Variants in RBM20 observed in about 807,000 individuals in gnomAD.
RBM20 encodes the protein RNA-binding protein 20.
In RBM20, 51 loss-of-function variants were observed where a neutral mutation model predicts 110.1. The observed-to-expected ratio is 0.46, with a 90% CI of 0.37 to 0.59. RBM20 has a LOEUF of 0.59. Among genes scored for constraint, RBM20 ranks in the 20% least tolerant of loss-of-function variants. RBM20 has a pLI of 0.00. For synonymous variants in RBM20, 589 were observed against 618.2 expected (o/e 0.95, Z 0.70); for missense variants, 1,512 against 1,574.9 (o/e 0.96, Z 0.68).
intron 1 of RBM20, among the ~76,000 whole-genome samples, chr10:110,672,945 T>C (rs942519257): frequency 6.6e-6 from 1 of 152,372 alleles, no homozygotes; most frequent in Admixed American, 6.5e-5. Flanking sequence ...AGCTCAACTT[T>C]GAACTTTGCA....
At chr10:110,716,798 T>A (rs1469650548) in intron 1 of RBM20, among the ~76,000 whole-genome samples, 4 of 151,432 alleles carry the variant, frequency 2.6e-5, no homozygotes, top group African/African-American at 9.7e-5. Context: ...GCGCCTGTAG[T>A]CCCAGCTACT....
At chr10:110,758,576 C>T (rs552076188) in intron 1 of RBM20, among the ~76,000 whole-genome samples, 9 of 152,174 alleles carry the variant, frequency 5.9e-5, no homozygotes, top group East Asian at 1.9e-4. Flanking sequence ...AGCACTGGGA[C>T]GTGAGTTTGA....
chr10:110,823,424 T>C lies in RBM20; in HGVS notation c.3317-56T>C, dbSNP rs372320964. Reference sequence around the variant, plus strand: ...ATTTCAGGGACTCTTTGAGGCATGTTGTATTTCTTTTTTTTTTTTTTTTTT... The same window carrying C: ...ATTTCAGGGACTCTTTGAGGCATGTCGTATTTCTTTTTTTTTTTTTTTTTT... On this transcript the variant is annotated intron_variant, in intron 11 of 13. Transcript: ENST00000369519. The C allele has an allele frequency of 1.6e-5, 23 of 1,464,914 alleles. 1 individual carries two copies. The Middle Eastern group carries it at 7.1e-4, about 45-fold the overall frequency. 90.7% of individuals were successfully genotyped at this position (1,464,914 alleles called of 1,614,324 possible).
intron 1 of RBM20, among the ~76,000 whole-genome samples, chr10:110,764,924 A>G (rs1408073555): frequency 6.6e-6 from 1 of 152,062 alleles, no homozygotes; most frequent in Non-Finnish European, 1.5e-5. Context: ...CAGCACCTCT[A>G]AACATGTTCT....
chr10:110,685,811 G>A (rs1342138131), intron 1 of RBM20, among the ~76,000 whole-genome samples: 1 of 152,086 alleles, frequency 6.6e-6, no homozygotes, highest in Non-Finnish European at 1.5e-5. Context: ...TTTTTTTTCG[G>A]TATGCTTTGT....
intron 1 of RBM20, among the ~76,000 whole-genome samples, chr10:110,708,795 C>T (rs1369580479): frequency 6.6e-6 from 1 of 152,116 alleles, no homozygotes; most frequent in Non-Finnish European, 1.5e-5. Context: ...GGTGTTGGGG[C>T]ATTGAGGATC....
intron 1 of RBM20, among the ~76,000 whole-genome samples, chr10:110,731,407 G>C (rs1280917162): frequency 1.3e-5 from 2 of 152,186 alleles, no homozygotes; most frequent in Non-Finnish European, 2.9e-5. Flanking sequence ...AGCTAAAATT[G>C]TGTTTTGGAT....
At chr10:110,706,080 C>CA (rs11312949) in intron 1 of RBM20, among the ~76,000 whole-genome samples, 19,738 of 141,268 alleles carry the variant, frequency 0.14, 1,401 homozygotes, top group African/African-American at 0.18. Flanking sequence ...GACTCCATCT[C>CA]AAAAAAAAAA....
chr10:110,812,701 G>A lies in RBM20; in HGVS notation c.2304G>A (p.Ser768=), dbSNP rs80336115. Residue 768 remains serine, a synonymous_variant, in exon 9 of 14, where the codon TCG becomes TCA. Coordinates refer to ENST00000369519, the MANE Select transcript of RBM20 (RefSeq NM_001134363.3). ...ACCGGAAAGAGCCCAAAGCCAAGTCGGACAAGTATCTGAAGCAGCAGCAGG... is the reference window on the plus strand; with the variant it reads ...ACCGGAAAGAGCCCAAAGCCAAGTCAGACAAGTATCTGAAGCAGCAGCAGG... The part of the protein sequence containing the change: ...GYYRKEPKAK[S]DKYLKQQQDA... The A allele has an allele frequency of 2.7e-5, 42 of 1,551,698 alleles. No individual in the cohort carries two copies. In the East Asian group the frequency reaches 6.1e-4, roughly 23 times the overall value.
chr10:110,722,084 T>C lies in RBM20; in HGVS notation c.192-58717T>C, dbSNP rs1174761455. ...TGTAGTTTAGAGCAATTAAGTTAAT[T>C]GTCTTAGAAATCATGATTTCTTTTG... On this transcript the variant is annotated intron_variant, in intron 1 of 13. Coordinates refer to ENST00000369519, the MANE Select transcript of RBM20 (RefSeq NM_001134363.3). Among the ~76,000 whole-genome samples, 6 of 152,146 alleles carry C rather than the reference T, an allele frequency of 3.9e-5. No homozygotes were observed. The East Asian group carries it at 9.6e-4, about 24-fold the overall frequency.
intron 1 of RBM20, among the ~76,000 whole-genome samples, chr10:110,768,009 C>T (rs755680380): frequency 2.6e-5 from 4 of 152,276 alleles, no homozygotes; most frequent in Non-Finnish European, 5.9e-5. Flanking sequence ...TGGCGGATCA[C>T]TCGCGGTTAG....
rs546013785 is a variant in RBM20 at position 110,818,351 on chromosome 10, G to T, written c.2551-1721G>T. On this transcript the variant is annotated intron_variant, in intron 9 of 13. Coordinates refer to ENST00000369519, the MANE Select transcript of RBM20 (RefSeq NM_001134363.3). The stretch of plus-strand genomic sequence containing the variant: ...GAGGATGTGATCATTTTTGCATTTT[G>T]GAATGATCATTCTTGATTGCCTTGG... 5.3e-5 allele frequency among the ~76,000 whole-genome samples: 8 copies of T among 150,290 alleles called. No homozygotes were observed. The East Asian group carries it at 1.4e-3, about 26-fold the overall frequency.
At chr10:110,655,570 A>C (rs537657038) in intron 1 of RBM20, among the ~76,000 whole-genome samples, 1 of 152,356 alleles carries the variant, frequency 6.6e-6, no homozygotes, top group Admixed American at 6.5e-5. Context: ...AGGATTCTGC[A>C]ATGATTAAAG....
rs78641605 is a variant in RBM20, at chr10:110,828,160, G to A, written c.3452-2901G>A. Among the ~76,000 whole-genome samples the A allele has an allele frequency of 5.0e-3, 761 of 152,228 alleles. 12 individuals are homozygous for A. In the South Asian group the frequency reaches 0.051, roughly 10 times the overall value. ...TAGGATGACAGAGTTATAATTACCC[G>A]TGCCATGAGCTGTTATTAGAAGCCA... On this transcript the variant is annotated intron_variant, in intron 12 of 13. Transcript: ENST00000369519.
At chr10:110,814,538 C>T (rs1337439026) in intron 9 of RBM20, among the ~76,000 whole-genome samples, 1 of 152,066 alleles carries the variant, frequency 6.6e-6, no homozygotes, top group Non-Finnish European at 1.5e-5. Flanking sequence ...GTTGCCCACC[C>T]AGGCTGGAGT....
intron 1 of RBM20, among the ~76,000 whole-genome samples, chr10:110,740,764 G>T (rs1843716844): frequency 6.6e-6 from 1 of 152,246 alleles, no homozygotes; most frequent in South Asian, 2.1e-4. Flanking sequence ...ATCATTATGT[G>T]TGTGAAAACA....
rs1432337588 is a variant in RBM20, at chr10:110,812,958, A to G, written c.2550+11A>G. 21 of 1,440,788 alleles carry G rather than the reference A, an allele frequency of 1.5e-5. No homozygotes were observed. Among genetic ancestry groups the G allele is most frequent in the Non-Finnish European group, 1.9e-5 (21 of 1,092,816 alleles). The allele number at this position is 1,440,788 out of a possible 1,614,324, so 89.3% of individuals were successfully genotyped here. A position where few individuals can be genotyped will look rare whatever the true frequency, so the allele number is the denominator to read the frequency against. On this transcript the variant is annotated intron_variant, in intron 9 of 13. Transcript: ENST00000369519. Reference sequence around the variant, plus strand: ...ATGGCAGAGAATGAGGTAATGATCAATTTCTTCCCCAGGTAAGGCGAGGCA... The same window carrying G: ...ATGGCAGAGAATGAGGTAATGATCAGTTTCTTCCCCAGGTAAGGCGAGGCA...
At chr10:110,773,261 C>T (rs1278369108) in intron 1 of RBM20, among the ~76,000 whole-genome samples, 2 of 152,152 alleles carry the variant, frequency 1.3e-5, no homozygotes, top group Non-Finnish European at 2.9e-5. Flanking sequence ...TATATAGATA[C>T]AGGCAGATAC....
In RBM20 at chr10:110,644,481, G is replaced by C. The variant is rs1157177960; in HGVS notation, c.27G>C (p.Gln9His). 2 of 1,520,514 alleles carry C rather than the reference G, an allele frequency of 1.3e-6. No homozygotes were observed. The highest frequency in any genetic ancestry group is 5.3e-5 in the East Asian group (2 of 38,088). 94.2% of individuals were successfully genotyped at this position (1,520,514 alleles called of 1,614,324 possible). Residue 9 changes from glutamine (Q) to histidine (H), a missense_variant, in exon 1 of 14, where the codon CAG (glutamine) becomes CAC (histidine). By Grantham distance (24) the Gln-to-His change is conservative (BLOSUM62 0). This residue lies in a region of RBM20 where 1,149 missense variants were observed against 1,169.4 expected (regional missense o/e 0.98). Transcript: ENST00000369519. This position sits in a 1 kb window ranked among gnomAD's most constrained non-coding sequence, Gnocchi z 4.3. MVLAAAMS[Q>H]DADPSGPEQP... ...TGGTGCTGGCAGCAGCCATGAGCCAGGACGCGGACCCCAGCGGTCCGGAGC... is the reference window on the plus strand; with the variant it reads ...TGGTGCTGGCAGCAGCCATGAGCCACGACGCGGACCCCAGCGGTCCGGAGC...
Sources: gnomAD v4.1 joint callset for allele counts (sites outside exome capture counted in the v4.1 genomes callset) on GRCh38, gnomAD v4.1.1 for gene constraint, gnomAD v4.1.1 regional missense constraint, Gnocchi (gnomAD v3.1) non-coding constraint, MANE v1.5 for transcripts, NCBI Gene and HGNC (gene_info 2026-07-23, HGNC 2026-07-21) for gene names.